ARHGAP6: variants seen among roughly 807,000 people sequenced by gnomAD.
ARHGAP6 encodes rho GTPase-activating protein 6.
A neutral mutation model predicts 55.7 loss-of-function variants in ARHGAP6; 16 were observed. The observed-to-expected ratio is 0.29, with a 90% confidence interval of 0.19 to 0.44. ARHGAP6 has a LOEUF of 0.44. Ranked by LOEUF, ARHGAP6 falls within the 20% of genes least tolerant of loss-of-function variation. The probability of loss-of-function intolerance (pLI) is 1.00; values close to 1 mark genes in which losing one functional copy is unlikely to be tolerated. For missense variants in ARHGAP6, 698 were observed against 808.9 expected, an observed-to-expected ratio of 0.86 and a Z score of 1.66; for synonymous variants, 382 against 360.9, an observed-to-expected ratio of 1.06 and a Z score of -0.66.
At chrX:11,378,701 T>C (rs2049229140) in intron 1 of ARHGAP6, among the ~76,000 whole-genome samples, 1 of 112,556 alleles carries the variant, frequency 8.9e-6, no homozygotes, top group Non-Finnish European at 1.9e-5. Flanking sequence ...GGTACCATTA[T>C]TGTTTGGCCA....
chrX:11,260,217 G>A (rs1342384174), intron 1 of ARHGAP6, among the ~76,000 whole-genome samples: 1 of 111,463 alleles, frequency 9.0e-6, no homozygotes, highest in Non-Finnish European at 1.9e-5. Flanking sequence ...AAGGAACATG[G>A]CCTTTGATTT....
At chrX:11,554,871 G>A (rs5935104) in intron 1 of ARHGAP6, among the ~76,000 whole-genome samples, 28,373 of 111,142 alleles carry the variant, frequency 0.26, 2,779 homozygotes, top group Middle Eastern at 0.35. Flanking sequence ...AAGGAAAACA[G>A]AGTGACTGAA....
At chrX:11,448,543 TG>T (rs2050115523) in intron 1 of ARHGAP6, among the ~76,000 whole-genome samples, 1 of 111,893 alleles carries the variant, frequency 8.9e-6, no homozygotes, top group South Asian at 3.8e-4. Context: ...CTCAAGCCCC[TG>T]CATGAACTGG....
intron 10 of ARHGAP6, among the ~76,000 whole-genome samples, chrX:11,154,362 T>C (rs2045834156): frequency 8.9e-6 from 1 of 112,125 alleles, no homozygotes; most frequent in Admixed American, 9.5e-5. Flanking sequence ...GGCTGGACAA[T>C]TGTACAGCTT....
intron 1 of ARHGAP6, among the ~76,000 whole-genome samples, chrX:11,545,978 C>T (rs891669466): frequency 9.0e-6 from 1 of 110,854 alleles, no homozygotes; most frequent in African/African-American, 3.3e-5. Flanking sequence ...ATTTGCCCTG[C>T]AATTGACCTT....
chrX:11,182,210 C>A lies in ARHGAP6; in HGVS notation c.1274-92G>T, dbSNP rs181989245. Reference sequence around the variant, plus strand: ...ACAGAGCAGAATGCCAGCACAGTGCCGTAACATGTAGAGCAATAGTAACTT... The same window carrying A: ...ACAGAGCAGAATGCCAGCACAGTGCAGTAACATGTAGAGCAATAGTAACTT... On this transcript the variant is annotated intron_variant, in intron 5 of 12. Coordinates refer to ENST00000337414, the MANE Select transcript of ARHGAP6 (RefSeq NM_013427.3). 15 of 699,814 alleles carry A rather than the reference C, an allele frequency of 2.1e-5. No individual in the cohort carries two copies. In the Admixed American group the frequency reaches 2.5e-4, roughly 12 times the overall value. 57.7% of individuals were successfully genotyped at this position (699,814 alleles called of 1,213,427 possible). A position where few individuals can be genotyped will look rare whatever the true frequency, so the allele number is the denominator to read the frequency against.
At chrX:11,510,610 G>T (rs887317998) in intron 1 of ARHGAP6, among the ~76,000 whole-genome samples, 1 of 111,169 alleles carries the variant, frequency 9.0e-6, no homozygotes, top group African/African-American at 3.3e-5. Flanking sequence ...AGGTCACATG[G>T]ATCTAGAACC....
intron 1 of ARHGAP6, among the ~76,000 whole-genome samples, chrX:11,274,445 C>T (rs2047732056): frequency 9.0e-6 from 1 of 111,326 alleles, no homozygotes; most frequent in Non-Finnish European, 1.9e-5. Context: ...GTATGATCCG[C>T]AACACCTAAA....
intron 2 of ARHGAP6, among the ~76,000 whole-genome samples, chrX:11,250,948 A>G (rs1441445674): frequency 1.8e-5 from 2 of 112,485 alleles, no homozygotes; most frequent in African/African-American, 6.5e-5. Context: ...ATTGAACTAG[A>G]AAAGTCCTAA....
chrX:11,160,732 A>T (rs2147293188), intron 9 of ARHGAP6, among the ~76,000 whole-genome samples: 1 of 111,984 alleles, frequency 8.9e-6, no homozygotes, highest in Non-Finnish European at 1.9e-5. Flanking sequence ...AGCAATCATA[A>T]TTACTGAGGT....
intron 1 of ARHGAP6, among the ~76,000 whole-genome samples, chrX:11,467,211 G>A (rs1453739584): frequency 9.0e-6 from 1 of 111,134 alleles, no homozygotes; most frequent in Non-Finnish European, 1.9e-5. Flanking sequence ...GGCCTAGGCG[G>A]GAGGATTGCT....
intron 1 of ARHGAP6, among the ~76,000 whole-genome samples, chrX:11,570,990 A>G (rs1316499294): frequency 9.0e-6 from 1 of 111,159 alleles, no homozygotes; most frequent in Admixed American, 9.6e-5. Flanking sequence ...CCCTTCTGCC[A>G]TGTGAGGACA....
intron 1 of ARHGAP6, among the ~76,000 whole-genome samples, chrX:11,567,566 A>AAAT (rs1440758737): frequency 3.6e-5 from 3 of 84,400 alleles, no homozygotes; most frequent in African/African-American, 1.4e-4. Flanking sequence ...AAAAAAAAAA[A>AAAT]ATATATATAT....
rs145117831 is a variant in ARHGAP6 at position 11,394,960 on chromosome X, C to A, written c.589-140253G>T. Among the ~76,000 whole-genome samples the A allele has an allele frequency of 5.5e-3, 619 of 112,094 alleles. 3 individuals are homozygous for A. Among genetic ancestry groups the A allele is most frequent in the African/African-American group, 0.019 (591 of 30,885 alleles). ...TAATTTTAAAATGATGACAGCAGAA[C>A]ATTAGTCATGTTGTCCTTCTGAGCA... On this transcript the variant is annotated intron_variant, in intron 1 of 12. Coordinates refer to ENST00000337414, the MANE Select transcript of ARHGAP6 (RefSeq NM_013427.3).
At chrX:11,251,964 A>G (rs1394896272) in intron 2 of ARHGAP6, among the ~76,000 whole-genome samples, 1 of 112,544 alleles carries the variant, frequency 8.9e-6, no homozygotes, top group African/African-American at 3.2e-5. Flanking sequence ...AATTATTTGT[A>G]AATCATTAGT....
intron 9 of ARHGAP6, among the ~76,000 whole-genome samples, chrX:11,165,126 T>G (rs1328437516): frequency 9.0e-6 from 1 of 111,616 alleles, no homozygotes; most frequent in East Asian, 2.8e-4. Context: ...GTATGGACAC[T>G]GGACAAAATC....
At chrX:11,270,212 C>T (rs1207470842) in intron 1 of ARHGAP6, among the ~76,000 whole-genome samples, 1 of 111,956 alleles carries the variant, frequency 8.9e-6, no homozygotes, top group African/African-American at 3.2e-5. Context: ...ATAATTTTAA[C>T]CCCTAGGCAA....
chrX:11,288,333 T>C (rs1369026245), intron 1 of ARHGAP6, among the ~76,000 whole-genome samples: 1 of 112,165 alleles, frequency 8.9e-6, no homozygotes, highest in African/African-American at 3.2e-5. Flanking sequence ...ATCTTCATCA[T>C]AGTCGTCATC....
In ARHGAP6 at chrX:11,665,452, C is replaced by A. The variant is rs184443417; in HGVS notation, c.-624G>T. The A allele has an allele frequency of 1.3e-3, 146 of 113,760 alleles. No individual in the cohort carries two copies. The highest frequency in any genetic ancestry group is 4.4e-3 in the African/African-American group (137 of 31,389). The allele number at this position is 113,760 out of a possible 1,213,427, so 9.4% of individuals were successfully genotyped here. ...GCGCCTGGCCTCCGCTGGGCTGCTG[C>A]GCCCACTCTTCCGACTGCAGAGGCT... is the stretch of plus-strand genomic sequence containing the variant. On this transcript the variant is annotated 5_prime_UTR_variant, in exon 1 of 13. Coordinates refer to ENST00000337414, the MANE Select transcript of ARHGAP6 (RefSeq NM_013427.3).
Sources: allele counts gnomAD v4.1 joint callset (sites outside exome capture counted in the v4.1 genomes callset), GRCh38; gene constraint gnomAD v4.1.1; transcripts MANE v1.5; gene names NCBI Gene and HGNC (gene_info 2026-07-23, HGNC 2026-07-21).